The following POU2F2 variants were observed in gnomAD, a reference collection of about 807,000 sequenced individuals.
POU2F2 encodes the protein POU class 2 homeobox 2.
In POU2F2, 14 loss-of-function variants were observed where a neutral mutation model predicts 63.5. The ratio of observed to expected loss-of-function variants is 0.22; its 90% CI spans 0.15 to 0.34. The LOEUF is 0.34. Among genes scored for constraint, POU2F2 ranks in the 10% least tolerant of loss-of-function variants. POU2F2 has a pLI of 1.00. For synonymous variants in POU2F2, 306 were observed against 348.6 expected, an observed-to-expected ratio of 0.88 and a Z score of 1.36; for missense variants, 607 against 815.2, an observed-to-expected ratio of 0.74 and a Z score of 3.11.
At chr19:42,093,232 A>T (rs1444138081) in intron 12 of POU2F2, among the ~76,000 whole-genome samples, 2 of 151,268 alleles carry the variant, frequency 1.3e-5, no homozygotes, top group Non-Finnish European at 2.9e-5. Context: ...CTGGTCTCGA[A>T]CTCCTGACCT....
intron 2 of POU2F2, among the ~76,000 whole-genome samples, chr19:42,154,103 C>T (rs892256314): frequency 6.6e-6 from 1 of 151,566 alleles, no homozygotes; most frequent in Non-Finnish European, 1.5e-5. Context: ...CCGCTCCCCC[C>T]GCCCTCCCCC....
chr19:42,088,141 AG>A lies in POU2F2; in HGVS notation c.*3115del. On this transcript the variant is annotated 3_prime_UTR_variant, in exon 15 of 15. Coordinates refer to ENST00000692977, the MANE Select transcript of POU2F2 (RefSeq NM_001394376.1). ...TCGAGTCCTCAGGGGAGGGGGGCCC[AG>A]GGGGAGACCTGGGGCTCACCTGCCC... 1 of 152,350 alleles carries A rather than the reference AG, an allele frequency of 6.6e-6. No homozygotes were observed. Among genetic ancestry groups the A allele is most frequent in the Non-Finnish European group, 1.5e-5 (1 of 68,044 alleles). The allele number at this position is 152,350 out of a possible 1,614,324, so 9.4% of individuals were successfully genotyped here.
intron 1 of POU2F2, among the ~76,000 whole-genome samples, chr19:42,184,613 G>GC (rs1423169059): frequency 6.6e-6 from 1 of 152,004 alleles, no homozygotes; most frequent in Non-Finnish European, 1.5e-5. Context: ...TCCCACTACT[G>GC]CCCCCCAAGA....
At position 42,095,940 on chromosome 19, in the gene POU2F2, G is replaced by A. The variant is rs746571962; in HGVS notation, c.730-11C>T. On this transcript the variant is annotated splice_polypyrimidine_tract_variant and intron_variant, in intron 8 of 14. Coordinates refer to ENST00000692977, the MANE Select transcript of POU2F2 (RefSeq NM_001394376.1). This position sits in a 1 kb window ranked among gnomAD's most constrained non-coding sequence, Gnocchi z 7.1. Reference sequence around the variant, plus strand: ...CAGGCCCACATCACCCTGGGCCAGTGGGGCGGGGAAGGGCCCGAAGTCAGG... The same window carrying A: ...CAGGCCCACATCACCCTGGGCCAGTAGGGCGGGGAAGGGCCCGAAGTCAGG... The A allele has an allele frequency of 3.1e-6, 5 of 1,612,008 alleles. No homozygotes were observed. Among genetic ancestry groups the A allele is most frequent in the Non-Finnish European group, 3.4e-6 (4 of 1,178,734 alleles).
chr19:42,114,614 G>A (rs535629698), intron 5 of POU2F2, among the ~76,000 whole-genome samples: 72 of 152,294 alleles, frequency 4.7e-4, no homozygotes, highest in Admixed American at 2.9e-3. Context: ...ACCATGTTCC[G>A]TGAAGGACAG....
chr19:42,197,621 A>G (rs2035166704), upstream of POU2F2, among the ~76,000 whole-genome samples: 1 of 152,272 alleles, frequency 6.6e-6, no homozygotes, highest in Non-Finnish European at 1.5e-5. Context: ...CGAGTTCCTG[A>G]GCCCTTACAT....
In POU2F2 at chr19:42,096,987, A is replaced by C. The variant is rs1259164994; in HGVS notation, c.568-744T>G. ...AAGTCCTAAGCAATGAGTAGATTGC[A>C]AATAAAGTAAAAGTTAAGAAAAAAA... On this transcript the variant is annotated intron_variant, in intron 7 of 14. Transcript: ENST00000692977. This position sits in a 1 kb window ranked among gnomAD's most constrained non-coding sequence, Gnocchi z 4.1. Among the ~76,000 whole-genome samples, 2 of 152,076 alleles carry C rather than the reference A, an allele frequency of 1.3e-5. No homozygotes were observed. The highest frequency in any genetic ancestry group is 2.9e-5 in the Non-Finnish European group (2 of 68,020).
chr19:42,176,079 GAGA>G (rs947583779), upstream of POU2F2: 7 of 142,944 alleles, frequency 4.9e-5, no homozygotes, highest in South Asian at 6.5e-4. Context: ...GAGAGAGAGA[GAGA>G]AAAAAAAAAA....
intron 12 of POU2F2, among the ~76,000 whole-genome samples, chr19:42,093,006 TATA>T (rs368373513): frequency 0.069 from 6,413 of 92,510 alleles, 479 homozygotes; most frequent in Non-Finnish European, 0.096. Context: ...TATATATATA[TATA>T]TTTTTTTTTT....
At chr19:42,181,571 CATTTATTTATTTATTT>C (rs143264132) in intron 1 of POU2F2, among the ~76,000 whole-genome samples, 16 of 148,496 alleles carry the variant, frequency 1.1e-4, no homozygotes, top group Admixed American at 6.0e-4. Flanking sequence ...TCTGAACATA[CATTTATTTATTTATTT>C]ATTTATTTAT....
intron 1 of POU2F2, among the ~76,000 whole-genome samples, chr19:42,168,845 G>A (rs912122186): frequency 6.6e-6 from 1 of 152,190 alleles, no homozygotes; most frequent in Non-Finnish European, 1.5e-5. Context: ...CACTTCCTCA[G>A]AGATGTTACA....
chr19:42,160,058 G>A (rs2034525419), intron 2 of POU2F2, among the ~76,000 whole-genome samples: 1 of 152,098 alleles, frequency 6.6e-6, no homozygotes, highest in Non-Finnish European at 1.5e-5. Context: ...CTGAGCCACC[G>A]AGTTACCCCC....
chr19:42,194,876 AAAGG>A (rs1400042371), intron 1 of POU2F2, among the ~76,000 whole-genome samples: 3 of 107,280 alleles, frequency 2.8e-5, no homozygotes, highest in Non-Finnish European at 5.8e-5. Flanking sequence ...AAGAAGGAAA[AAAGG>A]AAGGAAGGAA....
rs1165898460 is a variant in POU2F2 at position 42,088,537 on chromosome 19, G to A, written c.*2720C>T. 1 of 137,782 alleles carries A rather than the reference G, an allele frequency of 7.3e-6. No homozygotes were observed. Among genetic ancestry groups the A allele is most frequent in the East Asian group, 2.1e-4 (1 of 4,780 alleles). 8.5% of individuals were successfully genotyped at this position (137,782 alleles called of 1,614,324 possible). On this transcript the variant is annotated 3_prime_UTR_variant, in exon 15 of 15. Coordinates refer to ENST00000692977, the MANE Select transcript of POU2F2 (RefSeq NM_001394376.1). Reference sequence around the variant, plus strand: ...TTTTCCTTTTTGGTCTAGAATCATAGTTTTTGTTTGAGTCATCTCCACCAT... The same window carrying A: ...TTTTCCTTTTTGGTCTAGAATCATAATTTTTGTTTGAGTCATCTCCACCAT...
intron 1 of POU2F2, among the ~76,000 whole-genome samples, chr19:42,175,417 G>A (rs940748546): frequency 7.2e-5 from 11 of 152,054 alleles, no homozygotes; most frequent in Non-Finnish European, 1.3e-4. Flanking sequence ...GAGGGAGGGG[G>A]TAGAAAGAGC....
chr19:42,188,052 T>A (rs183262758), intron 1 of POU2F2, among the ~76,000 whole-genome samples: 3 of 152,168 alleles, frequency 2.0e-5, no homozygotes, highest in Admixed American at 2.0e-4. Flanking sequence ...TGATGGGATA[T>A]TACTTCTGAG....
chr19:42,146,277 A>G (rs1241205169), intron 2 of POU2F2, among the ~76,000 whole-genome samples: 1 of 152,212 alleles, frequency 6.6e-6, no homozygotes, highest in Non-Finnish European at 1.5e-5. Flanking sequence ...TCCAAAGTCC[A>G]CATTGCCATC....
At position 42,091,301 on chromosome 19, in the gene POU2F2, G is replaced by T; in HGVS notation, c.1831C>A (p.Pro611Thr). 1 of 1,534,104 alleles carries T rather than the reference G, an allele frequency of 6.5e-7. No homozygotes were observed. ...STCSETAAQT[P>T]GGPGGPEAGS... ...GCCTCGGGCCCCCCTGGACCTCCAG[G>T]GGTCTGTGCTGCCGTCTCGCTGCAA... Residue 611 changes from proline to threonine, a missense_variant, in exon 15 of 15, where the codon CCT becomes ACT. By Grantham distance (38) the Pro-to-Thr change is conservative. Transcript: ENST00000692977.
intron 1 of POU2F2, among the ~76,000 whole-genome samples, chr19:42,182,354 C>T (rs1385021593): frequency 6.7e-6 from 1 of 149,700 alleles, no homozygotes; most frequent in Non-Finnish European, 1.5e-5. Context: ...AGATGTGGTG[C>T]GGGAGCAAGG....
Sources: allele counts gnomAD v4.1 joint callset (sites outside exome capture counted in the v4.1 genomes callset), GRCh38; gene constraint gnomAD v4.1.1; non-coding constraint Gnocchi (gnomAD v3.1); transcripts MANE v1.5; gene names NCBI Gene and HGNC (gene_info 2026-07-23, HGNC 2026-07-21).